The following CHD2 variants were observed in gnomAD, a reference collection of about 807,000 sequenced individuals.
The protein encoded by CHD2 is chromodomain helicase DNA binding protein 2.
Under a neutral mutation model 243.9 loss-of-function variants are expected in CHD2, and 28 were observed. The ratio of observed to expected loss-of-function variants is 0.11; its 90% CI spans 0.09 to 0.16. The LOEUF is 0.16. Ranked by LOEUF, CHD2 falls within the 10% of genes least tolerant of loss-of-function variation. The pLI is 1.00. For missense variants in CHD2, 1,386 were observed against 2,209.8 expected (o/e 0.63, Z 7.47); for synonymous variants, 775 against 779.0 (o/e 0.99, Z 0.09).
At chr15:92,985,397 G>A in intron 25 of CHD2, 101 bp from the exon 26 acceptor site, 3 of 1,204,236 alleles carry the variant, frequency 2.5e-6, no homozygotes, top group Non-Finnish European at 3.4e-6. Flanking sequence ...GATATGGTGA[G>A]AAGTTCTGAA....
intron 24 of CHD2, among the ~76,000 whole-genome samples, chr15:92,981,779 A>G (rs182032234): frequency 6.6e-6 from 1 of 152,334 alleles, no homozygotes; most frequent in East Asian, 1.9e-4. Context: ...TCAATAGATC[A>G]GATGCCAAAG....
intron 2 of CHD2, among the ~76,000 whole-genome samples, chr15:92,912,331 GTCTCGGGGAATAGT>G (rs2052751605): frequency 6.6e-6 from 1 of 152,098 alleles, no homozygotes; most frequent in South Asian, 2.1e-4. Flanking sequence ...TTTATCTGCC[GTCTCGGGGAATAGT>G]TCTTGAGTGT....
Position 92,937,542 on chromosome 15 carries a change from A to C in CHD2, c.468A>C (p.Ser156=). 2.5e-6 allele frequency: 4 copies of C among 1,612,262 alleles called. No individual in the cohort carries two copies. The highest frequency in any genetic ancestry group is 2.5e-6 in the Non-Finnish European group (3 of 1,179,242). The change falls in exon 6 of 39, where the codon TCA becomes TCC. Residue 156 remains serine, a synonymous_variant. Transcript: ENST00000394196. ...GAGAAAAATGGAAACAGGAACCCTCAGAAGATGAACAGGAACAAGGCACCA... is the reference window on the plus strand; with the variant it reads ...GAGAAAAATGGAAACAGGAACCCTCCGAAGATGAACAGGAACAAGGCACCA... ...KKQEKWKQEP[S]EDEQEQGTSA...
chr15:93,005,341 G>A (rs1285959359), intron 34 of CHD2, among the ~76,000 whole-genome samples: 1 of 152,154 alleles, frequency 6.6e-6, no homozygotes, highest in Non-Finnish European at 1.5e-5. Flanking sequence ...GGAGGGCAAG[G>A]CGATGGGGAG....
chr15:92,969,989 A>T (rs1335951655), intron 17 of CHD2, among the ~76,000 whole-genome samples: 1 of 151,888 alleles, frequency 6.6e-6, no homozygotes, highest in South Asian at 2.1e-4. Flanking sequence ...AGTACTCAAG[A>T]TAGTTTTTCT....
chr15:92,961,757 A>G (rs749726148), intron 16 of CHD2, among the ~76,000 whole-genome samples: 5 of 151,566 alleles, frequency 3.3e-5, no homozygotes, highest in Admixed American at 6.6e-5. Context: ...TTTCTTGATT[A>G]TGGTAATTTG....
At chr15:92,910,758 G>A (rs1321432828) in intron 2 of CHD2, among the ~76,000 whole-genome samples, 1 of 152,178 alleles carries the variant, frequency 6.6e-6, no homozygotes, top group Non-Finnish European at 1.5e-5. Flanking sequence ...GCTTACCAAG[G>A]ATTAGTAGAT....
In CHD2 at chr15:92,940,946, TAA is replaced by T. The variant is rs1202968233; in HGVS notation, c.693-874_693-873del. On this transcript the variant is annotated intron_variant, in intron 7 of 38. Coordinates refer to ENST00000394196, the MANE Select transcript of CHD2 (RefSeq NM_001271.4). ...CATATAAATATATATAAAATATATA[TAA>T]ATATAAATATATATAAATATAAATA... Among the ~76,000 whole-genome samples the T allele has an allele frequency of 2.4e-3, 306 of 129,502 alleles. 4 individuals carry two copies. The highest frequency in any genetic ancestry group is 8.4e-3 in the African/African-American group (290 of 34,540). The allele number at this position is 129,502 out of a possible 152,430, so 85.0% of individuals were successfully genotyped here. A position where few individuals can be genotyped will look rare whatever the true frequency, so the allele number is the denominator to read the frequency against.
intron 16 of CHD2, 36 bp from the exon 17 acceptor site, chr15:92,967,289 A>G (rs375992486): frequency 2.4e-5 from 34 of 1,408,270 alleles, no homozygotes; most frequent in South Asian, 7.3e-5. Context: ...CTTTTCCTCA[A>G]TGTGGCTAAA....
At chr15:92,980,706 T>G in intron 22 of CHD2, 109 bp from the exon 23 acceptor site, 2 of 716,836 alleles carry the variant, frequency 2.8e-6, no homozygotes, top group Non-Finnish European at 4.7e-6. Flanking sequence ...TGAGGCAGAG[T>G]TTATATTTTC....
At position 92,955,477 on chromosome 15, in the gene CHD2, C is replaced by T. The variant is rs2141814881; in HGVS notation, c.1774C>T (p.Leu592Phe). Residue 592 changes from leucine to phenylalanine, a missense_variant, in exon 15 of 39, where the codon CTT (leucine) becomes TTT (phenylalanine). Leu to Phe is a conservative substitution (Grantham distance 22, BLOSUM62 0). This residue lies in a region of CHD2 where 63 missense variants were observed against 108.8 expected (regional missense o/e 0.58). Transcript: ENST00000394196. Reference sequence around the variant, plus strand: ...AACCAAAAGATTGAAGTTCAACGCACTTATAACAACATATGAGATCCTCTT... The same window carrying T: ...AACCAAAAGATTGAAGTTCAACGCATTTATAACAACATATGAGATCCTCTT... ...SQTKRLKFNALITTYEILLKD... is the reference protein window; with the variant it reads ...SQTKRLKFNAFITTYEILLKD... The T allele has an allele frequency of 1.3e-6, 2 of 1,597,678 alleles. No individual in the cohort carries two copies. Among genetic ancestry groups the T allele is most frequent in the East Asian group, 2.3e-5 (1 of 43,762 alleles).
chr15:93,008,370 A>G (rs538766176), intron 34 of CHD2, among the ~76,000 whole-genome samples: 8 of 152,278 alleles, frequency 5.3e-5, no homozygotes, highest in Non-Finnish European at 1.2e-4. Context: ...GGTTGGAGTT[A>G]GAGATCTGGG....
intron 37 of CHD2, among the ~76,000 whole-genome samples, 170 bp from the exon 38 acceptor site, chr15:93,019,842 G>C (rs186879995): frequency 4.6e-5 from 7 of 151,890 alleles, no homozygotes; most frequent in African/African-American, 9.7e-5. Context: ...GCTGAGGCAC[G>C]AGAATCGCTT....
At chr15:92,955,088 A>C (rs1782949154) in intron 14 of CHD2, among the ~76,000 whole-genome samples, 1 of 152,150 alleles carries the variant, frequency 6.6e-6, no homozygotes, top group African/African-American at 2.4e-5. Context: ...TTTTAAAAGA[A>C]ATTTCTAAGG....
At chr15:92,940,739 T>C (rs2053348164) in intron 7 of CHD2, among the ~76,000 whole-genome samples, 2 of 146,306 alleles carry the variant, frequency 1.4e-5, no homozygotes, top group South Asian at 4.2e-4. Flanking sequence ...ATTGTTAATA[T>C]GTGATAGGAA....
intron 5 of CHD2, among the ~76,000 whole-genome samples, chr15:92,930,341 T>G (rs1269577825): frequency 2.6e-5 from 4 of 152,224 alleles, no homozygotes; most frequent in Non-Finnish European, 4.4e-5. Context: ...TTTAATGGCC[T>G]TATTTGTGTG....
rs1031943047 is a variant in CHD2, at chr15:92,967,271, C to G, written c.2001-54C>G. On this transcript the variant is annotated intron_variant, in intron 16 of 38. Coordinates refer to ENST00000394196, the MANE Select transcript of CHD2 (RefSeq NM_001271.4). ...ATTCATTTTTTTACAGTTTTTTTTC[C>G]TATTCTTCTTTTCCTCAATGTGGCT... The G allele has an allele frequency of 2.4e-6, 3 of 1,256,636 alleles. No individual in the cohort carries two copies. The African/African-American group carries it at 4.6e-5, about 19-fold the overall frequency. 77.8% of individuals were successfully genotyped at this position (1,256,636 alleles called of 1,614,324 possible).
intron 33 of CHD2, among the ~76,000 whole-genome samples, chr15:93,004,066 G>A (rs752490925): frequency 6.6e-6 from 1 of 150,728 alleles, no homozygotes; most frequent in Non-Finnish European, 1.5e-5. Flanking sequence ...AGAGGTTGCA[G>A]TGAGCCGAGA....
At position 92,941,806 on chromosome 15, in the gene CHD2, A is replaced by G. The variant is rs2053387485; in HGVS notation, c.693-16A>G. ...AGAGATCATTTCTCATTTATTCAGC[A>G]TTATTCCTCTTGCAGTTACAAAGAA... On this transcript the variant is annotated splice_polypyrimidine_tract_variant and intron_variant, in intron 7 of 38. Transcript: ENST00000394196. 1.2e-6 allele frequency: 2 copies of G among 1,611,790 alleles called. No individual in the cohort carries two copies. The highest frequency in any genetic ancestry group is 2.2e-5 in the South Asian group (2 of 90,838).
Sources: gnomAD v4.1 joint callset for allele counts (sites outside exome capture counted in the v4.1 genomes callset) on GRCh38, gnomAD v4.1.1 for gene constraint, gnomAD v4.1.1 regional missense constraint, MANE v1.5 for transcripts, NCBI Gene and HGNC (gene_info 2026-07-23, HGNC 2026-07-21) for gene names.